TOM1L1: variants seen among roughly 807,000 people sequenced by gnomAD.
TOM1L1 encodes the protein target of myb1 like 1 membrane trafficking protein.
A neutral mutation model predicts 63.4 loss-of-function variants in TOM1L1; 64 were observed. The ratio of observed to expected loss-of-function variants is 1.01; its 90% CI spans 0.83 to 1.24. The LOEUF (loss-of-function observed/expected upper bound fraction) is 1.24, where lower values mean the gene tolerates loss of function less well. Ranked by LOEUF, TOM1L1 falls within the 50% of genes most tolerant of loss-of-function variation. The pLI, the probability that TOM1L1 is intolerant of heterozygous loss-of-function variation, is 0.00. For synonymous variants in TOM1L1, 166 were observed against 194.4 expected (o/e 0.85, Z 1.22); for missense variants, 536 against 567.0 (o/e 0.95, Z 0.55).
chr17:54,946,035 C>T (rs1373982169), intron 11 of TOM1L1, among the ~76,000 whole-genome samples: 1 of 152,180 alleles, frequency 6.6e-6, no homozygotes, highest in Non-Finnish European at 1.5e-5. Context: ...ATGTAAACAA[C>T]CTGGCTAGAT....
intron 3 of TOM1L1, among the ~76,000 whole-genome samples, chr17:54,906,086 C>T (rs868851227): frequency 6.6e-6 from 1 of 152,098 alleles, no homozygotes; most frequent in Non-Finnish European, 1.5e-5. Context: ...AGGACAATCA[C>T]TTGAGCCCAG....
chr17:54,906,235 G>A (rs9910034), intron 3 of TOM1L1, among the ~76,000 whole-genome samples: 27,852 of 152,048 alleles, frequency 0.18, 2,538 homozygotes, highest in Middle Eastern at 0.22. Context: ...TCGGGAGGCC[G>A]AGGCAGGTGG....
At chr17:54,908,557 G>A (rs928834353) in intron 3 of TOM1L1, among the ~76,000 whole-genome samples, 7 of 152,114 alleles carry the variant, frequency 4.6e-5, no homozygotes, top group African/African-American at 9.7e-5. Context: ...TGTCAAATTC[G>A]ATTATAAATA....
rs769737403 is a variant in TOM1L1 at position 54,914,718 on chromosome 17, C to T, written c.578C>T (p.Ser193Leu). The change falls in exon 6 of 16, where the codon TCG (serine) becomes TTG (leucine). Residue 193 changes from serine to leucine, a missense_variant. Ser to Leu is a moderately radical substitution (Grantham distance 145, BLOSUM62 -2). Coordinates refer to ENST00000575882, the MANE Select transcript of TOM1L1 (RefSeq NM_005486.3). ...TCTTCTGTAATTGCTCCAAAGAACT[C>T]GACTGTTACATTGGTCCCAGAACAG... ...ALSSVIAPKN[S>L]TVTLVPEQIG... 8.7e-6 allele frequency: 14 copies of T among 1,613,168 alleles called. No homozygotes were observed. Among genetic ancestry groups the T allele is most frequent in the South Asian group, 3.3e-5 (3 of 91,060 alleles).
intron 7 of TOM1L1, chr17:54,916,504 T>C (rs975808736): frequency 4.6e-5 from 7 of 152,200 alleles, no homozygotes; most frequent in African/African-American, 1.7e-4. Context: ...TTTTTCCCTC[T>C]ACCAGTTTGC....
chr17:54,940,290 A>G (rs1463492592), intron 11 of TOM1L1, among the ~76,000 whole-genome samples: 3 of 152,210 alleles, frequency 2.0e-5, no homozygotes, highest in African/African-American at 4.8e-5. Context: ...AGAAATGTCA[A>G]TTAAAGTCTA....
In TOM1L1 at chr17:54,900,913, CCACCT is replaced by C; in HGVS notation, c.51_55del (p.Leu18ArgfsTer11). 6.2e-7 allele frequency: 1 copy of C among 1,613,836 alleles called. No individual in the cohort carries two copies. The highest frequency in any genetic ancestry group is 2.2e-5 in the East Asian group (1 of 44,874). Reference sequence around the variant, plus strand: ...GGGATCCCTACGCGACCTCCGTGGGCCACCTCATAGGTAAGGAGGCGCGGGGAGAG... The same window carrying C: ...GGGATCCCTACGCGACCTCCGTGGGCCATAGGTAAGGAGGCGCGGGGAGAG... On this transcript the variant is annotated frameshift_variant, in exon 1 of 16. Coordinates refer to ENST00000575882, the MANE Select transcript of TOM1L1 (RefSeq NM_005486.3). LOFTEE classifies it high-confidence loss of function.
At chr17:54,908,077 C>A (rs1365909125) in intron 3 of TOM1L1, among the ~76,000 whole-genome samples, 2 of 152,174 alleles carry the variant, frequency 1.3e-5, no homozygotes, top group Non-Finnish European at 2.9e-5. Flanking sequence ...AATCTGCTCG[C>A]TGCCTTTCCC....
At position 54,903,733 on chromosome 17, in the gene TOM1L1, G is replaced by A; in HGVS notation, c.84G>A (p.Gln28=). Residue 28 remains glutamine (Q), a synonymous_variant, in exon 2 of 16, where the codon CAG becomes CAA. Transcript: ENST00000575882. ...LIEKATFAGV[Q]TEDWGQFMHI... ...AAAAGGCTACATTTGCTGGAGTTCA[G>A]ACTGAAGATTGGGGCCAGTTCATGC... is the stretch of plus-strand genomic sequence containing the variant. The A allele has an allele frequency of 9.9e-6, 16 of 1,614,194 alleles. No individual in the cohort carries two copies. The highest frequency in any genetic ancestry group is 1.4e-5 in the Non-Finnish European group (16 of 1,180,040).
intron 14 of TOM1L1, among the ~76,000 whole-genome samples, chr17:54,960,030 T>C (rs769998727): frequency 1.3e-5 from 2 of 152,114 alleles, no homozygotes; most frequent in African/African-American, 2.4e-5. Context: ...AAAAAATTAA[T>C]TGGTTCTATG....
intron 7 of TOM1L1, chr17:54,917,510 T>C (rs914474777): frequency 6.6e-6 from 1 of 152,322 alleles, no homozygotes; most frequent in East Asian, 1.9e-4. Context: ...AAAATATTTT[T>C]AAAATATGTT....
At chr17:54,939,087 C>G (rs1310478219) in intron 11 of TOM1L1, 67 bp downstream of exon 11, 2 of 1,135,168 alleles carry the variant, frequency 1.8e-6, no homozygotes, top group Admixed American at 2.0e-5. Context: ...TTAAGAAAAC[C>G]TGATGGCTGG....
rs563434985 is a variant in TOM1L1 at position 54,901,442 on chromosome 17, A to T, written c.58+519A>T. On this transcript the variant is annotated intron_variant, in intron 1 of 15. Transcript: ENST00000575882. ...TTTCTGGGTAAACAAAGAGAATGAA[A>T]ATGCTTGGCATTGGAGTGAAGAGGA... Among the ~76,000 whole-genome samples, 6 of 152,184 alleles carry T rather than the reference A, an allele frequency of 3.9e-5. No homozygotes were observed. The East Asian group carries it at 1.2e-3, about 29-fold the overall frequency.
chr17:54,961,082 C>A, intron 15 of TOM1L1, 153 bp from the exon 16 acceptor site: 1 of 653,510 alleles, frequency 1.5e-6, no homozygotes. Context: ...TATTTATTCC[C>A]CTTATACCCT....
intron 11 of TOM1L1, among the ~76,000 whole-genome samples, chr17:54,940,469 T>C (rs1446714749): frequency 2.6e-5 from 4 of 152,220 alleles, no homozygotes. Flanking sequence ...GAATCTGCAA[T>C]CTTATCTGTA....
intron 14 of TOM1L1, chr17:54,953,033 G>GT (rs2049314416): frequency 6.6e-6 from 1 of 152,162 alleles, no homozygotes; most frequent in Non-Finnish European, 1.5e-5. Flanking sequence ...TTCCTGGATA[G>GT]GGTCCACTTT....
At chr17:54,910,128 T>C (rs1397451614) in intron 3 of TOM1L1, among the ~76,000 whole-genome samples, 1 of 152,154 alleles carries the variant, frequency 6.6e-6, no homozygotes, top group African/African-American at 2.4e-5. Flanking sequence ...GTCTTACCCA[T>C]TATCATAAAA....
chr17:54,958,912 G>A (rs1209219851), intron 14 of TOM1L1, among the ~76,000 whole-genome samples: 2 of 152,100 alleles, frequency 1.3e-5, no homozygotes, highest in African/African-American at 4.8e-5. Flanking sequence ...CTCAGGAAGG[G>A]AAGAATAACT....
chr17:54,921,779 T>C (rs2048688068), intron 7 of TOM1L1, among the ~76,000 whole-genome samples: 1 of 152,016 alleles, frequency 6.6e-6, no homozygotes. Flanking sequence ...GTAACTACAG[T>C]TAACCCTTGA....
Sources: gnomAD v4.1 joint callset for allele counts (sites outside exome capture counted in the v4.1 genomes callset) on GRCh38, gnomAD v4.1.1 for gene constraint, MANE v1.5 for transcripts, NCBI Gene and HGNC (gene_info 2026-07-23, HGNC 2026-07-21) for gene names.